The following OPCML variants were observed in gnomAD, a reference collection of about 807,000 sequenced individuals.
OPCML encodes opioid-binding protein/cell adhesion molecule.
Under a neutral mutation model 37.8 loss-of-function variants are expected in OPCML, and 13 were observed. That is an observed-to-expected ratio of 0.34 (90% CI 0.22 to 0.55). OPCML has a LOEUF of 0.55. Among genes scored for constraint, OPCML ranks in the 20% least tolerant of loss-of-function variants. The pLI is 0.91. For synonymous variants in OPCML, 176 were observed against 168.8 expected (o/e 1.04, Z -0.33); for missense variants, 341 against 435.6 (o/e 0.78, Z 1.93).
chr11:133,074,885 G>T (rs1022345034), intron 1 of OPCML, among the ~76,000 whole-genome samples: 3 of 152,102 alleles, frequency 2.0e-5, no homozygotes, highest in Non-Finnish European at 4.4e-5. Flanking sequence ...AAAGTTGCCC[G>T]TAATGAGAAG....
At chr11:132,898,428 AAAG>A (rs1177763407) in intron 2 of OPCML, among the ~76,000 whole-genome samples, 1 of 152,192 alleles carries the variant, frequency 6.6e-6, no homozygotes, top group African/African-American at 2.4e-5. Context: ...CCTGACAGCC[AAAG>A]AAGTACAGCA....
At chr11:132,952,059 T>C (rs1016491564) in intron 1 of OPCML, among the ~76,000 whole-genome samples, 14 of 152,208 alleles carry the variant, frequency 9.2e-5, no homozygotes, top group Admixed American at 7.2e-4. Flanking sequence ...TGAGAGAAGA[T>C]TGTACCCAGC....
intron 3 of OPCML, among the ~76,000 whole-genome samples, chr11:132,638,148 G>T (rs1940624446): frequency 2.2e-5 from 2 of 89,270 alleles, no homozygotes. Flanking sequence ...GAAAGCTAAA[G>T]AGCATATATA....
intron 1 of OPCML, among the ~76,000 whole-genome samples, chr11:133,328,975 T>C (rs562771257): frequency 1.7e-3 from 262 of 152,294 alleles, no homozygotes; most frequent in Middle Eastern, 0.01. Context: ...GATAAGCAAC[T>C]TCAGCAAAGT....
chr11:132,702,294 C>G lies in OPCML; in HGVS notation c.147-44975G>C, dbSNP rs984131340. ...GTTTTTTGTTTGTCTAGGAAAATCT[C>G]CTTCATTTCTGAAAGACAATTTTTC... On this transcript the variant is annotated intron_variant, in intron 2 of 7. Transcript: ENST00000524381. 2.6e-5 allele frequency among the ~76,000 whole-genome samples: 4 copies of G among 152,128 alleles called. No individual in the cohort carries two copies. The South Asian group carries it at 8.3e-4, about 32-fold the overall frequency.
At chr11:133,241,398 AAATGGT>A (rs996681849) in intron 1 of OPCML, among the ~76,000 whole-genome samples, 1 of 152,254 alleles carries the variant, frequency 6.6e-6, no homozygotes. Flanking sequence ...CACAGCTAGG[AAATGGT>A]AGAGCCAAAG....
intron 1 of OPCML, among the ~76,000 whole-genome samples, chr11:133,061,364 G>A (rs910131317): frequency 1.3e-5 from 2 of 152,192 alleles, no homozygotes; most frequent in African/African-American, 4.8e-5. Context: ...AACTAATTCT[G>A]CAGTGGATGT....
At chr11:132,616,783 A>G (rs1391752117) in intron 3 of OPCML, among the ~76,000 whole-genome samples, 1 of 152,226 alleles carries the variant, frequency 6.6e-6, no homozygotes, top group Non-Finnish European at 1.5e-5. Context: ...AAGATAAAAT[A>G]ATGTAAATCA....
At chr11:132,891,031 G>A (rs1943626369) in intron 2 of OPCML, among the ~76,000 whole-genome samples, 1 of 152,062 alleles carries the variant, frequency 6.6e-6, no homozygotes, top group Admixed American at 6.6e-5. Context: ...CGTCCCACAT[G>A]GTAGTAGTAT....
intron 1 of OPCML, among the ~76,000 whole-genome samples, chr11:133,417,965 A>G (rs1356538707): frequency 1.3e-5 from 2 of 152,192 alleles, no homozygotes; most frequent in Non-Finnish European, 2.9e-5. Flanking sequence ...AAAAGCAGGT[A>G]AAAGTTTACA....
chr11:133,307,851 T>G (rs570025973), intron 1 of OPCML, among the ~76,000 whole-genome samples: 1 of 144,188 alleles, frequency 6.9e-6, no homozygotes, highest in Admixed American at 6.9e-5. Flanking sequence ...GTTTCCAAGT[T>G]TTTTTTTTTT....
At chr11:133,448,842 T>C (rs1946524916) in intron 1 of OPCML, among the ~76,000 whole-genome samples, 1 of 152,226 alleles carries the variant, frequency 6.6e-6, no homozygotes, top group African/African-American at 2.4e-5. Flanking sequence ...TTGTAACATA[T>C]ATTTTGTATA....
At chr11:132,703,589 C>T (rs569569169) in intron 2 of OPCML, among the ~76,000 whole-genome samples, 96 of 152,284 alleles carry the variant, frequency 6.3e-4, no homozygotes, top group African/African-American at 2.2e-3. Context: ...GTAGGGTCTA[C>T]CAGTAGGCTT....
At chr11:132,482,553 A>C (rs1057478033) in intron 4 of OPCML, among the ~76,000 whole-genome samples, 1,893 of 152,274 alleles carry the variant, frequency 0.012, 10 homozygotes, top group Middle Eastern at 0.02. Flanking sequence ...AGAGGGAATC[A>C]TCCCTAACTC....
chr11:132,718,946 G>A (rs775456665), intron 2 of OPCML, among the ~76,000 whole-genome samples: 8 of 152,234 alleles, frequency 5.3e-5, no homozygotes, highest in Non-Finnish European at 8.8e-5. Flanking sequence ...AAGGAAGTGA[G>A]AGACAGAAGC....
chr11:132,786,877 G>T (rs1947231287), intron 2 of OPCML, among the ~76,000 whole-genome samples: 1 of 152,168 alleles, frequency 6.6e-6, no homozygotes, highest in Non-Finnish European at 1.5e-5. Context: ...GGTCCTCAGG[G>T]TGTACAGGAG....
At chr11:133,412,900 A>T (rs1251612011) in intron 1 of OPCML, among the ~76,000 whole-genome samples, 1 of 152,214 alleles carries the variant, frequency 6.6e-6, no homozygotes, top group African/African-American at 2.4e-5. Context: ...TGTTTTTCAC[A>T]GAAAATATCT....
chr11:132,818,644 G>GTGTGTA, intron 2 of OPCML, among the ~76,000 whole-genome samples: 1 of 110 alleles, frequency 9.1e-3, no homozygotes, highest in Non-Finnish European at 0.024. Context: ...ATAGATATGA[G>GTGTGTA]TGTATATATA....
intron 1 of OPCML, among the ~76,000 whole-genome samples, chr11:133,042,484 C>T (rs1230578263): frequency 6.6e-6 from 1 of 152,166 alleles, no homozygotes; most frequent in Non-Finnish European, 1.5e-5. Context: ...GCAAACGGTG[C>T]AGTAGGGAAT....
Sources: gnomAD v4.1 joint callset for allele counts (sites outside exome capture counted in the v4.1 genomes callset) on GRCh38, gnomAD v4.1.1 for gene constraint, MANE v1.5 for transcripts, NCBI Gene and HGNC (gene_info 2026-07-23, HGNC 2026-07-21) for gene names.